The following XKR4 variants were observed in gnomAD, a reference collection of about 807,000 sequenced individuals.
XKR4 encodes XK-related protein 4.
Under a neutral mutation model 53.9 loss-of-function variants are expected in XKR4, and 12 were observed. The ratio of observed to expected loss-of-function variants is 0.22; its 90% confidence interval spans 0.14 to 0.36. The LOEUF is 0.36. Among genes scored for constraint, XKR4 ranks in the 10% least tolerant of loss-of-function variants. XKR4 has a pLI of 1.00. For missense variants in XKR4, 799 were observed against 859.5 expected (o/e 0.93, Z 0.88); for synonymous variants, 354 against 362.4 (o/e 0.98, Z 0.26).
chr8:55,473,547 G>A (rs976955808), intron 2 of XKR4, among the ~76,000 whole-genome samples: 3 of 152,026 alleles, frequency 2.0e-5, no homozygotes, highest in African/African-American at 7.3e-5. Flanking sequence ...TAAGGTTTTT[G>A]GCAGCCAAAC....
intron 2 of XKR4, among the ~76,000 whole-genome samples, chr8:55,503,214 T>G (rs1806471792): frequency 6.6e-6 from 1 of 152,178 alleles, no homozygotes; most frequent in South Asian, 2.1e-4. Context: ...TGGATTTTTC[T>G]ATTTTTGTAA....
chr8:55,500,359 T>A (rs1449375136), intron 2 of XKR4, among the ~76,000 whole-genome samples: 1 of 152,202 alleles, frequency 6.6e-6, no homozygotes, highest in Non-Finnish European at 1.5e-5. Context: ...AAGGTCCAGA[T>A]GACCTATTTT....
intron 1 of XKR4, among the ~76,000 whole-genome samples, chr8:55,336,388 C>A (rs751566724): frequency 2.4e-4 from 37 of 152,156 alleles, no homozygotes; most frequent in Non-Finnish European, 4.4e-4. Flanking sequence ...AATTAAACCT[C>A]TTTTTCTTCC....
intron 2 of XKR4, chr8:55,449,780 G>T: frequency 8.5e-7 from 1 of 1,180,310 alleles, no homozygotes; most frequent in Non-Finnish European, 1.3e-6. Flanking sequence ...GAACCAGCGG[G>T]CCTTCCAGGG....
At position 55,524,076 on chromosome 8, in the gene XKR4, G is replaced by A; in HGVS notation, c.1802G>A (p.Arg601Lys). ...TCAGTCATTAAAATTGACTTGTTCA[G>A]GAATAGGTACCCAGCATGGGAGAGA... ...EESVIKIDLF[R>K]NRYPAWERHV... Residue 601 changes from arginine (R) to lysine (K), a missense_variant, in exon 3 of 3, where the codon AGG becomes AAG. Arg to Lys is a conservative substitution (Grantham distance 26). Coordinates refer to ENST00000327381, the MANE Select transcript of XKR4 (RefSeq NM_052898.2). 1.2e-6 allele frequency: 2 copies of A among 1,614,248 alleles called. No homozygotes were observed. Among genetic ancestry groups the A allele is most frequent in the Non-Finnish European group, 1.7e-6 (2 of 1,180,050 alleles).
At chr8:55,166,953 G>T (rs140087341) in intron 1 of XKR4, among the ~76,000 whole-genome samples, 43 of 152,312 alleles carry the variant, frequency 2.8e-4, no homozygotes, top group Non-Finnish European at 5.1e-4. Context: ...GCTAAGTGTT[G>T]AGAACAGACT....
intron 1 of XKR4, among the ~76,000 whole-genome samples, chr8:55,276,053 G>A (rs1430505514): frequency 6.6e-6 from 1 of 152,178 alleles, no homozygotes; most frequent in African/African-American, 2.4e-5. Context: ...CAAATAGTGT[G>A]ATTGTTAAGG....
At chr8:55,379,850 G>T (rs1036826604) in intron 2 of XKR4, among the ~76,000 whole-genome samples, 1 of 152,230 alleles carries the variant, frequency 6.6e-6, no homozygotes, top group Admixed American at 6.5e-5. Context: ...ATCCAGGCTG[G>T]TGCACCAAGC....
chr8:55,102,607 C>G lies in XKR4; in HGVS notation c.119C>G (p.Ser40Trp). Residue 40 changes from serine to tryptophan, a missense_variant, in exon 1 of 3, where the codon TCG (serine) becomes TGG (tryptophan). Coordinates refer to ENST00000327381, the MANE Select transcript of XKR4 (RefSeq NM_052898.2). The surrounding 1 kb of genome is among the most constrained non-coding windows in gnomAD (Gnocchi z 5.1). ...CAGGGATTGGCTCCAGGCTTGCCGTCGGGGTCGGGAGCCGAGGACGAGGAG... is the reference window on the plus strand; with the variant it reads ...CAGGGATTGGCTCCAGGCTTGCCGTGGGGGTCGGGAGCCGAGGACGAGGAG... ...SVQGLAPGLP[S>W]GSGAEDEEAA... 1 of 1,463,328 alleles carries G rather than the reference C, an allele frequency of 6.8e-7. No individual in the cohort carries two copies. Among genetic ancestry groups the G allele is most frequent in the Non-Finnish European group, 9.1e-7 (1 of 1,096,856 alleles). The allele number at this position is 1,463,328 out of a possible 1,614,324, so 90.6% of individuals were successfully genotyped here.
intron 1 of XKR4, among the ~76,000 whole-genome samples, chr8:55,202,759 C>T (rs948682220): frequency 1.3e-5 from 2 of 152,198 alleles, no homozygotes; most frequent in African/African-American, 2.4e-5. Context: ...AATGAATCAT[C>T]GTTGATGAAG....
intron 1 of XKR4, among the ~76,000 whole-genome samples, chr8:55,241,946 A>G (rs192586536): frequency 6.6e-6 from 1 of 152,276 alleles, no homozygotes; most frequent in East Asian, 1.9e-4. Flanking sequence ...TAATAATAAT[A>G]ATGTTATGGG....
rs554291011 is a variant in XKR4, at chr8:55,454,478, G to A, written c.1007-68803G>A. The A allele has an allele frequency of 6.0e-5, 71 of 1,188,192 alleles. 1 individual carries two copies. The African/African-American group carries it at 1.1e-3, about 18-fold the overall frequency. 73.6% of individuals were successfully genotyped at this position (1,188,192 alleles called of 1,614,324 possible). On this transcript the variant is annotated intron_variant, in intron 2 of 2. Transcript: ENST00000327381. ...GAAGAGAACCTCGTGCTCCATGAGG[G>A]TGGCACAGACCAAAGACAGTACGTT...
At chr8:55,132,720 G>A (rs7830796) in intron 1 of XKR4, among the ~76,000 whole-genome samples, 27 of 152,288 alleles carry the variant, frequency 1.8e-4, no homozygotes, top group South Asian at 6.2e-4. Flanking sequence ...GGGTCCTAAC[G>A]TACTTGCCTG....
chr8:55,327,353 CAAAA>C (rs764388702), intron 1 of XKR4, among the ~76,000 whole-genome samples: 11 of 135,768 alleles, frequency 8.1e-5, no homozygotes, highest in African/African-American at 2.9e-4. Context: ...TGAAGAAAGC[CAAAA>C]AAAAAAAAAC....
chr8:55,523,367 A>C lies in XKR4; in HGVS notation c.1093A>C (p.Lys365Gln), dbSNP rs1218060758. ...CCTCCGGGACTCTCGAGATGACAAG[A>C]AGCCCATCAGCTACATGGCCGTCAT... ...KALRDSRDDK[K>Q]PISYMAVIIQ... The change falls in exon 3 of 3, where the codon AAG becomes CAG. Residue 365 changes from lysine to glutamine, a missense_variant. This residue lies in a region of XKR4 where 476 missense variants were observed against 505.4 expected (regional missense o/e 0.94). Transcript: ENST00000327381. 1 of 1,614,072 alleles carries C rather than the reference A, an allele frequency of 6.2e-7. No individual in the cohort carries two copies. The highest frequency in any genetic ancestry group is 1.7e-5 in the Admixed American group (1 of 60,012).
At chr8:55,344,328 C>T (rs1425871053) in intron 1 of XKR4, among the ~76,000 whole-genome samples, 3 of 152,204 alleles carry the variant, frequency 2.0e-5, no homozygotes, top group Admixed American at 1.3e-4. Context: ...TGCACACAGA[C>T]ACTCGGTGCT....
intron 2 of XKR4, among the ~76,000 whole-genome samples, chr8:55,509,850 C>A (rs963367157): frequency 1.6e-4 from 24 of 152,154 alleles, no homozygotes; most frequent in African/African-American, 5.8e-4. Context: ...TCACAGCCAG[C>A]GCTTTTCTAA....
chr8:55,244,447 T>G (rs1266588738), intron 1 of XKR4, among the ~76,000 whole-genome samples: 1 of 152,242 alleles, frequency 6.6e-6, no homozygotes, highest in East Asian at 1.9e-4. Flanking sequence ...TGTACCACAT[T>G]TCCTTTATTC....
chr8:55,453,096 G>T, intron 2 of XKR4: 1 of 556,210 alleles, frequency 1.8e-6, no homozygotes. Context: ...CCAGGTAAAG[G>T]ACCCAGATAT....
Sources: gnomAD v4.1 joint callset for allele counts (sites outside exome capture counted in the v4.1 genomes callset) on GRCh38, gnomAD v4.1.1 for gene constraint, gnomAD v4.1.1 regional missense constraint, Gnocchi (gnomAD v3.1) non-coding constraint, MANE v1.5 for transcripts, NCBI Gene and HGNC (gene_info 2026-07-23, HGNC 2026-07-21) for gene names.